PP2D1: variants seen among roughly 807,000 people sequenced by gnomAD.
PP2D1 encodes protein phosphatase 2C like domain containing 1, also known as protein phosphatase 2C-like domain-containing protein 1.
PP2D1 carries 25 observed loss-of-function variants against 30.2 expected under a neutral mutation model. The observed-to-expected ratio is 0.83, with a 90% CI of 0.60 to 1.16. The LOEUF is 1.16. Among genes scored for constraint, PP2D1 ranks in the 50% most tolerant of loss-of-function variants. PP2D1 has a pLI of 0.00. For synonymous variants in PP2D1, 260 were observed against 258.9 expected (o/e 1.00, Z -0.04); for missense variants, 760 against 742.4 (o/e 1.02, Z -0.28).
intron 1 of PP2D1, among the ~76,000 whole-genome samples, chr3:20,002,751 C>T (rs1697271403): frequency 6.6e-6 from 1 of 151,874 alleles, no homozygotes; most frequent in Non-Finnish European, 1.5e-5. Context: ...GTAACCCTGT[C>T]TCTACTAAAA....
chr3:19,990,246 G>C (rs909520323), intron 2 of PP2D1, among the ~76,000 whole-genome samples: 8 of 151,946 alleles, frequency 5.3e-5, no homozygotes, highest in Non-Finnish European at 1.2e-4. Flanking sequence ...CCTGGGCTCA[G>C]GTGATCCTCC....
At position 19,988,702 on chromosome 3, in the gene PP2D1, G is replaced by A. The variant is rs558281422; in HGVS notation, c.1091-2520C>T. On this transcript the variant is annotated intron_variant, in intron 2 of 2. Transcript: ENST00000389050. ...AGGGGGCATCACGGAACCTGCTGAC[G>A]TGTGATGTCTCCCCCGGACACCCAG... Among the ~76,000 whole-genome samples, 333 of 152,244 alleles carry A rather than the reference G, an allele frequency of 2.2e-3. 1 individual carries two copies. Among genetic ancestry groups the A allele is most frequent in the Non-Finnish European group, 3.3e-3 (225 of 68,016 alleles).
chr3:19,998,329 CA>C (rs566777177), intron 2 of PP2D1, among the ~76,000 whole-genome samples: 23,356 of 122,108 alleles, frequency 0.19, 1,884 homozygotes, highest in Middle Eastern at 0.24. Flanking sequence ...GACTCCGTCT[CA>C]AAAAAAAAAA....
At chr3:19,991,615 ACAGT>A (rs1354148593) in intron 2 of PP2D1, among the ~76,000 whole-genome samples, 1 of 152,292 alleles carries the variant, frequency 6.6e-6, no homozygotes, top group Admixed American at 6.5e-5. Context: ...TAGGAGCCTG[ACAGT>A]CAGACTTTAA....
In PP2D1 at chr3:20,001,868, T is replaced by G; in HGVS notation, c.252A>C (p.Gln84His). 3 of 1,536,156 alleles carry G rather than the reference T, an allele frequency of 2.0e-6. No individual in the cohort carries two copies. The highest frequency in any genetic ancestry group is 2.6e-6 in the Non-Finnish European group (3 of 1,146,852). Residue 84 changes from glutamine (Q) to histidine (H), a missense_variant, in exon 2 of 3, where the codon CAA becomes CAC. This residue lies in a region of PP2D1 where 374 missense variants were observed against 388.8 expected (regional missense o/e 0.96). Transcript: ENST00000389050. The part of the protein sequence containing the change: ...DLTGIFLHKK[Q>H]HVALATLGFQ... ...AACCCAGCGTGGCCAGAGCTACATG[T>G]TGCTTCTTATGGAGAAAAATACCAG...
At chr3:20,005,094 GATCGAGACCCTGTCTCA>G (rs1697301943) in intron 1 of PP2D1, among the ~76,000 whole-genome samples, 1 of 152,034 alleles carries the variant, frequency 6.6e-6, no homozygotes. Flanking sequence ...GTGGGCTACA[GATCGAGACCCTGTCTCA>G]AAAATAAATA....
At chr3:19,992,717 T>A (rs1319449908) in intron 2 of PP2D1, among the ~76,000 whole-genome samples, 1 of 152,228 alleles carries the variant, frequency 6.6e-6, no homozygotes, top group African/African-American at 2.4e-5. Flanking sequence ...CCTGGCTCAC[T>A]CACTGGTTAT....
chr3:19,985,116 C>A (rs1036279949), downstream of PP2D1: 3 of 350,120 alleles, frequency 8.6e-6, no homozygotes, highest in Non-Finnish European at 1.5e-5. Context: ...GAAAACGGTT[C>A]ACCAGTGTTT....
chr3:20,006,018 G>A (rs1009942050), intron 1 of PP2D1, among the ~76,000 whole-genome samples: 3 of 152,194 alleles, frequency 2.0e-5, no homozygotes, highest in Non-Finnish European at 4.4e-5. Flanking sequence ...GCCAAGGCAG[G>A]TGGGTCACTT....
intron 2 of PP2D1, among the ~76,000 whole-genome samples, chr3:19,998,030 A>G (rs1229134377): frequency 6.6e-6 from 1 of 152,098 alleles, no homozygotes; most frequent in Non-Finnish European, 1.5e-5. Flanking sequence ...CTCTGTCTCT[A>G]CTAAAAATAC....
chr3:20,000,010 C>T (rs771756649), intron 2 of PP2D1, among the ~76,000 whole-genome samples: 3 of 152,140 alleles, frequency 2.0e-5, no homozygotes, highest in Non-Finnish European at 4.4e-5. Context: ...TTTCTGGCAC[C>T]TTGACATTTG....
At chr3:20,008,606 G>T (rs1203511235) in intron 1 of PP2D1, among the ~76,000 whole-genome samples, 1 of 152,016 alleles carries the variant, frequency 6.6e-6, no homozygotes, top group Non-Finnish European at 1.5e-5. Context: ...ACTGTCCCTG[G>T]GCGGGCGCTG....
intron 2 of PP2D1, among the ~76,000 whole-genome samples, chr3:19,991,722 A>G (rs1350388052): frequency 6.6e-6 from 1 of 152,142 alleles, no homozygotes; most frequent in Non-Finnish European, 1.5e-5. Context: ...TTATTGTGAG[A>G]CTCAATAAGC....
downstream of PP2D1, among the ~76,000 whole-genome samples, chr3:19,982,257 G>C (rs1348854749): frequency 6.6e-6 from 1 of 152,126 alleles, no homozygotes; most frequent in Non-Finnish European, 1.5e-5. Flanking sequence ...AAGAAGTATG[G>C]CTGCAGGCTA....
At position 20,001,421 on chromosome 3, in the gene PP2D1, T is replaced by C. The variant is rs1326155553; in HGVS notation, c.699A>G (p.Lys233=). ...LPVLLLHQLS[K]FDPSYQMTTD... ...TTGTCATTTGGTAAGAAGGATCAAA[T>C]TTGGAAAGCTGATGGAGAAGTAAAA... The change falls in exon 2 of 3, where the codon AAA becomes AAG. Residue 233 remains lysine, a synonymous_variant. Transcript: ENST00000389050. 5 of 1,536,640 alleles carry C rather than the reference T, an allele frequency of 3.3e-6. No individual in the cohort carries two copies. The South Asian group carries it at 3.6e-5, about 11-fold the overall frequency.
At chr3:20,011,038 G>T (rs192530719) in intron 1 of PP2D1, among the ~76,000 whole-genome samples, 48 of 152,212 alleles carry the variant, frequency 3.2e-4, no homozygotes, top group Non-Finnish European at 7.3e-5. Context: ...CGGGAACCTA[G>T]CCCTTCATCT....
chr3:20,001,861 C>T lies in PP2D1; in HGVS notation c.259G>A (p.Ala87Thr). The stretch of plus-strand genomic sequence containing the variant: ...CATTGGAAACCCAGCGTGGCCAGAG[C>T]TACATGTTGCTTCTTATGGAGAAAA... ...GIFLHKKQHV[A>T]LATLGFQWMG... Residue 87 changes from alanine (A) to threonine (T), a missense_variant, in exon 2 of 3, where the codon GCT becomes ACT. By Grantham distance (58) the Ala-to-Thr change is moderately conservative (BLOSUM62 0). Transcript: ENST00000389050. The T allele has an allele frequency of 6.5e-7, 1 of 1,536,076 alleles. No homozygotes were observed. The highest frequency in any genetic ancestry group is 8.7e-7 in the Non-Finnish European group (1 of 1,146,826).
At chr3:19,997,867 G>A (rs769630184) in intron 2 of PP2D1, among the ~76,000 whole-genome samples, 3 of 152,056 alleles carry the variant, frequency 2.0e-5, no homozygotes, top group Non-Finnish European at 2.9e-5. Context: ...AAAGGTTGGG[G>A]ACGGGGCAGG....
intron 2 of PP2D1, among the ~76,000 whole-genome samples, chr3:19,990,730 T>C (rs2125139076): frequency 6.6e-6 from 1 of 150,982 alleles, no homozygotes; most frequent in African/African-American, 2.4e-5. Flanking sequence ...AAGGTTTCCA[T>C]GAAGATGGGA....
Sources: allele counts gnomAD v4.1 joint callset (sites outside exome capture counted in the v4.1 genomes callset), GRCh38; gene constraint gnomAD v4.1.1; regional missense constraint gnomAD v4.1.1; transcripts MANE v1.5; gene names NCBI Gene and HGNC (gene_info 2026-07-23, HGNC 2026-07-21).